RHOBTB3: variants seen among roughly 807,000 people sequenced by gnomAD.
The protein encoded by RHOBTB3 is Rho related BTB domain containing 3.
In RHOBTB3, 47 loss-of-function variants were observed where a neutral mutation model predicts 67.2. The ratio of observed to expected loss-of-function variants is 0.70; its 90% CI spans 0.55 to 0.89. The LOEUF is 0.89. Among genes scored for constraint, RHOBTB3 ranks in the 40% least tolerant of loss-of-function variants. The probability of loss-of-function intolerance (pLI) is 0.00; values close to 1 mark genes in which losing one functional copy is unlikely to be tolerated. For synonymous variants in RHOBTB3, 273 were observed against 274.2 expected (o/e 1.00, Z 0.04); for missense variants, 631 against 750.0 (o/e 0.84, Z 1.85).
At chr5:95,772,161 A>G (rs1745733204) in intron 8 of RHOBTB3, among the ~76,000 whole-genome samples, 1 of 152,214 alleles carries the variant, frequency 6.6e-6, no homozygotes, top group African/African-American at 2.4e-5. Flanking sequence ...TCCAGTGACC[A>G]TTATAACAAC....
At chr5:95,789,772 A>G (rs1746322633) in intron 11 of RHOBTB3, 1 of 152,250 alleles carries the variant, frequency 6.6e-6, no homozygotes, top group Middle Eastern at 3.2e-3. Flanking sequence ...TCCTTCAGTC[A>G]TAGTAGTTCC....
In RHOBTB3 at chr5:95,783,792, A is replaced by G. The variant is rs371170925; in HGVS notation, c.1457-5A>G. ...CACTTTCTCTCATGTCCCTTTTCTC[A>G]TCAGCTGGCATATTCCAGGCCATGT... On this transcript the variant is annotated splice_region_variant and splice_polypyrimidine_tract_variant and intron_variant, in intron 9 of 11. Transcript: ENST00000379982. 3.4e-5 allele frequency: 55 copies of G among 1,603,968 alleles called. No individual in the cohort carries two copies. In the African/African-American group the frequency reaches 6.6e-4, roughly 19 times the overall value.
intron 3 of RHOBTB3, 82 bp downstream of exon 3, chr5:95,737,157 A>G (rs1755473650): frequency 4.1e-6 from 4 of 971,216 alleles, no homozygotes; most frequent in Non-Finnish European, 4.5e-6. Context: ...TTAATGGATA[A>G]TAGGGTTTGT....
intron 1 of RHOBTB3, among the ~76,000 whole-genome samples, chr5:95,719,472 G>A (rs1432682534): frequency 6.6e-6 from 1 of 152,216 alleles, no homozygotes; most frequent in East Asian, 1.9e-4. Flanking sequence ...AATGGGGCAA[G>A]TTAGGTTAAA....
At chr5:95,761,133 TTA>T (rs1186321812) in intron 6 of RHOBTB3, among the ~76,000 whole-genome samples, 1 of 152,148 alleles carries the variant, frequency 6.6e-6, no homozygotes, top group East Asian at 1.9e-4. Context: ...TGGAGATATT[TTA>T]TAGGTGTTTT....
rs754045614 is a variant in RHOBTB3, at chr5:95,755,746, C to T, written c.1033C>T (p.Arg345Cys). ...LFCSCLSDIL[R>C]FIYSGAFQWE... Reference sequence around the variant, plus strand: ...CTGTTCTTGTTTATCAGACATCCTTCGCTTCATTTATTCAGGTATCTTGTC... The same window carrying T: ...CTGTTCTTGTTTATCAGACATCCTTTGCTTCATTTATTCAGGTATCTTGTC... Residue 345 changes from arginine (R) to cysteine (C), a missense_variant, in exon 6 of 12, where the codon CGC (arginine) becomes TGC (cysteine). By Grantham distance (180) the Arg-to-Cys change is radical (BLOSUM62 -3). Transcript: ENST00000379982. The T allele has an allele frequency of 1.5e-5, 24 of 1,613,410 alleles. No homozygotes were observed. The highest frequency in any genetic ancestry group is 6.7e-5 in the East Asian group (3 of 44,898).
chr5:95,750,254 C>T (rs1241647454), intron 4 of RHOBTB3, among the ~76,000 whole-genome samples: 6 of 152,126 alleles, frequency 3.9e-5, no homozygotes, highest in South Asian at 4.1e-4. Flanking sequence ...GAGAGAAAGC[C>T]GCCTGCCTTC....
At chr5:95,734,340 C>G (rs1755395522) in intron 2 of RHOBTB3, among the ~76,000 whole-genome samples, 1 of 151,946 alleles carries the variant, frequency 6.6e-6, no homozygotes, top group African/African-American at 2.4e-5. Flanking sequence ...TGGCTCCAAG[C>G]CTTGTGTTGC....
At chr5:95,767,136 GGGAGGT>G (rs1222482006) in intron 7 of RHOBTB3, among the ~76,000 whole-genome samples, 1 of 152,046 alleles carries the variant, frequency 6.6e-6, no homozygotes, top group Non-Finnish European at 1.5e-5. Context: ...ACTTGAGCCT[GGGAGGT>G]GGAGGTTGCA....
intron 1 of RHOBTB3, among the ~76,000 whole-genome samples, chr5:95,718,451 G>C (rs557573424): frequency 4.3e-4 from 65 of 152,330 alleles, no homozygotes; most frequent in South Asian, 1.0e-3. Flanking sequence ...TTAGCTAATT[G>C]TGGGAAGCTG....
At chr5:95,746,193 C>A (rs1744911171) in intron 3 of RHOBTB3, among the ~76,000 whole-genome samples, 1 of 152,096 alleles carries the variant, frequency 6.6e-6, no homozygotes, top group South Asian at 2.1e-4. Flanking sequence ...GGAAAAACCA[C>A]CCTGCTAGCA....
intron 1 of RHOBTB3, among the ~76,000 whole-genome samples, chr5:95,723,802 T>C (rs553241181): frequency 6.6e-6 from 1 of 152,328 alleles, no homozygotes; most frequent in Non-Finnish European, 1.5e-5. Context: ...CCAGCTTCAC[T>C]GTGCTGTCTC....
chr5:95,777,600 C>T (rs1021004401), intron 8 of RHOBTB3, among the ~76,000 whole-genome samples: 1 of 152,178 alleles, frequency 6.6e-6, no homozygotes. Flanking sequence ...CCAGTTAGTA[C>T]GTAAACCATA....
Position 95,736,980 on chromosome 5 carries a change from C to T in RHOBTB3, c.320C>T (p.Ser107Leu). The change falls in exon 3 of 12, where the codon TCA becomes TTA. Residue 107 changes from serine (S) to leucine (L), a missense_variant. Ser to Leu is a moderately radical substitution (Grantham distance 145, BLOSUM62 -2). Transcript: ENST00000379982. Reference sequence around the variant, plus strand: ...AAATACAACGTTAATGACAAGTTTTCATTCCATGAAGTAAAGGATAATTAT... The same window carrying T: ...AAATACAACGTTAATGACAAGTTTTTATTCCATGAAGTAAAGGATAATTAT... The part of the protein sequence containing the change: ...VIKYNVNDKF[S>L]FHEVKDNYIP... 1 of 1,609,064 alleles carries T rather than the reference C, an allele frequency of 6.2e-7. No homozygotes were observed.
rs776833934 is a variant in RHOBTB3 at position 95,763,562 on chromosome 5, C to G, written c.1103C>G (p.Ser368Cys). 1 of 1,612,876 alleles carries G rather than the reference C, an allele frequency of 6.2e-7. No individual in the cohort carries two copies. The highest frequency in any genetic ancestry group is 1.7e-5 in the Admixed American group (1 of 59,938). Residue 368 changes from serine (S) to cysteine (C), a missense_variant, in exon 7 of 12, where the codon TCT (serine) becomes TGT (cysteine). By Grantham distance (112) the Ser-to-Cys change is moderately radical (BLOSUM62 -1). Transcript: ENST00000379982. ...GATATCAGGAAGAAGTTGAAAGATT[C>G]TGGGGATGTTTCAAATGTAATCGAG... Reference protein sequence around the residue: ...EEDIRKKLKDSGDVSNVIEKV... With the variant: ...EEDIRKKLKDCGDVSNVIEKV...
chr5:95,790,465 C>T (rs953641119), intron 11 of RHOBTB3, among the ~76,000 whole-genome samples: 1 of 152,180 alleles, frequency 6.6e-6, no homozygotes, highest in Non-Finnish European at 1.5e-5. Context: ...AGTACTATTA[C>T]AACCTTGGGA....
At chr5:95,757,269 G>GT (rs1423217795) in intron 6 of RHOBTB3, among the ~76,000 whole-genome samples, 1 of 152,200 alleles carries the variant, frequency 6.6e-6, no homozygotes, top group Non-Finnish European at 1.5e-5. Flanking sequence ...AGTGTCCCAT[G>GT]TAAGAGTGGA....
At chr5:95,775,079 T>C (rs1483220689) in intron 8 of RHOBTB3, among the ~76,000 whole-genome samples, 4 of 152,174 alleles carry the variant, frequency 2.6e-5, no homozygotes, top group African/African-American at 4.8e-5. Flanking sequence ...TTAAAACACC[T>C]GGTTAGTGCA....
In RHOBTB3 at chr5:95,752,215, A is replaced by G. The variant is rs139668502; in HGVS notation, c.571-24A>G. On this transcript the variant is annotated intron_variant, in intron 4 of 11. Coordinates refer to ENST00000379982, the MANE Select transcript of RHOBTB3 (RefSeq NM_014899.4). ...GATATATAGTTTTGTTGGATCTTCA[A>G]TTAAAATTTGATTCCTGTTTTAGTT... 54 of 1,378,440 alleles carry G rather than the reference A, an allele frequency of 3.9e-5. 1 individual carries two copies. In the Middle Eastern group the frequency reaches 9.0e-4, roughly 23 times the overall value. 85.4% of individuals were successfully genotyped at this position (1,378,440 alleles called of 1,614,324 possible).
Sources: gnomAD v4.1 joint callset for allele counts (sites outside exome capture counted in the v4.1 genomes callset) on GRCh38, gnomAD v4.1.1 for gene constraint, MANE v1.5 for transcripts, NCBI Gene and HGNC (gene_info 2026-07-23, HGNC 2026-07-21) for gene names.